Variants in MBNL2 observed in about 807,000 individuals in gnomAD.
The protein encoded by MBNL2 is muscleblind like splicing regulator 2, also known as muscleblind-like protein 2.
Under a neutral mutation model 41.9 loss-of-function variants are expected in MBNL2, and 17 were observed. That is an observed-to-expected ratio of 0.41 (90% CI 0.28 to 0.61). The LOEUF is 0.61. MBNL2 is among the 20% of genes least tolerant of loss of function. MBNL2 has a pLI of 0.35. For synonymous variants in MBNL2, 195 were observed against 182.9 expected (o/e 1.07, Z -0.53); for missense variants, 336 against 505.6 (o/e 0.66, Z 3.22).
chr13:97,218,453 C>A (rs1438697845), upstream of MBNL2, among the ~76,000 whole-genome samples: 16 of 73,116 alleles, frequency 2.2e-4, no homozygotes, highest in Admixed American at 2.4e-4. Flanking sequence ...AAAAAAAAAA[C>A]TGGGCCTAGA....
intron 2 of MBNL2, among the ~76,000 whole-genome samples, chr13:97,320,279 A>G (rs2059393015): frequency 7.6e-6 from 1 of 130,778 alleles, no homozygotes; most frequent in Non-Finnish European, 1.6e-5. Flanking sequence ...TTTTTTTTTG[A>G]GACAGTCTCT....
intron 2 of MBNL2, among the ~76,000 whole-genome samples, chr13:97,294,346 A>G (rs2056686655): frequency 6.6e-6 from 1 of 152,234 alleles, no homozygotes. Context: ...TTATAAACTA[A>G]CTAGGAGACA....
chr13:97,283,507 T>G (rs1201800043), intron 2 of MBNL2, among the ~76,000 whole-genome samples: 1 of 152,224 alleles, frequency 6.6e-6, no homozygotes, highest in Non-Finnish European at 1.5e-5. Context: ...TCCTTTCTTT[T>G]TTGTTGTTGT....
chr13:97,232,205 C>G (rs2042482659), intron 1 of MBNL2, among the ~76,000 whole-genome samples: 1 of 152,192 alleles, frequency 6.6e-6, no homozygotes, highest in African/African-American at 2.4e-5. Context: ...GTGCCCCTGT[C>G]TGTCCTCCCT....
chr13:97,185,966 C>T, the MBNL2 span, among the ~76,000 whole-genome samples: 8 of 152,204 alleles, frequency 5.3e-5, no homozygotes, highest in African/African-American at 1.9e-4. Flanking sequence ...CTTCATTTTG[C>T]TACTTATGGC....
At chr13:97,357,674 G>A (rs773348932) in intron 7 of MBNL2, 39 bp downstream of exon 7, 1 of 1,599,994 alleles carries the variant, frequency 6.3e-7, no homozygotes, top group Non-Finnish European at 8.6e-7. Flanking sequence ...TGCCCTTCTG[G>A]TCATGTGCTT....
chr13:97,185,339 G>A, the MBNL2 span, among the ~76,000 whole-genome samples: 1 of 152,168 alleles, frequency 6.6e-6, no homozygotes, highest in Non-Finnish European at 1.5e-5. Context: ...TGAGAATCAG[G>A]TTTTTCCAGA....
chr13:97,211,204 T>A, the MBNL2 span, among the ~76,000 whole-genome samples: 1 of 151,890 alleles, frequency 6.6e-6, no homozygotes, highest in Non-Finnish European at 1.5e-5. Flanking sequence ...GATGAAAGAT[T>A]TCTTCTAGCC....
chr13:97,172,764 C>T, the MBNL2 span: 1 of 152,142 alleles, frequency 6.6e-6, no homozygotes, highest in African/African-American at 2.4e-5. Context: ...GAACATGAGG[C>T]CTCCAAATGA....
At chr13:97,146,432 G>T in the MBNL2 span, among the ~76,000 whole-genome samples, 1 of 152,156 alleles carries the variant, frequency 6.6e-6, no homozygotes, top group African/African-American at 2.4e-5. Context: ...ATGAAATGAG[G>T]TTTGTAGCTT....
intron 2 of MBNL2, among the ~76,000 whole-genome samples, chr13:97,278,250 TCAAA>T (rs1426532331): frequency 2.8e-5 from 1 of 35,408 alleles, no homozygotes; most frequent in African/African-American, 1.9e-4. Flanking sequence ...TGAGACTGTC[TCAAA>T]AAAAAAAAAA....
chr13:97,243,291 T>G (rs575099130), intron 1 of MBNL2, among the ~76,000 whole-genome samples: 45 of 152,232 alleles, frequency 3.0e-4, no homozygotes, highest in Non-Finnish European at 5.9e-4. Flanking sequence ...GGCTTATTTA[T>G]TTAGTCAGTC....
chr13:97,183,256 C>T, the MBNL2 span, among the ~76,000 whole-genome samples: 1 of 152,188 alleles, frequency 6.6e-6, no homozygotes, highest in Admixed American at 6.5e-5. Context: ...ACAATTTAGT[C>T]CTTGTATTAT....
intron 2 of MBNL2, among the ~76,000 whole-genome samples, chr13:97,292,140 G>A (rs1041386582): frequency 1.4e-5 from 2 of 142,422 alleles, no homozygotes; most frequent in Non-Finnish European, 3.0e-5. Context: ...CGCGGAGCTT[G>A]AAGTGAGCCG....
chr13:97,253,698 T>C (rs1310230369), intron 1 of MBNL2, among the ~76,000 whole-genome samples: 1 of 152,154 alleles, frequency 6.6e-6, no homozygotes, highest in Non-Finnish European at 1.5e-5. Context: ...GTTAATTCTC[T>C]TTGTAAAATA....
At position 97,278,144 on chromosome 13, in the gene MBNL2, C is replaced by T. The variant is rs189779427; in HGVS notation, c.174+1735C>T. Among the ~76,000 whole-genome samples, 994 of 148,520 alleles carry T rather than the reference C, an allele frequency of 6.7e-3. 6 individuals carry two copies. The highest frequency in any genetic ancestry group is 9.4e-3 in the Non-Finnish European group (634 of 67,590). ...GTGGTGCATGCCTGTAATCCAGCTA[C>T]TTGAGAGGCTGAGGCAGGAGAATCA... On this transcript the variant is annotated intron_variant, in intron 2 of 8. Transcript: ENST00000679496.
intron 5 of MBNL2, among the ~76,000 whole-genome samples, chr13:97,354,537 G>A (rs115315548): frequency 0.011 from 1,606 of 152,138 alleles, 22 homozygotes; most frequent in African/African-American, 0.034. Flanking sequence ...AGAGATACAC[G>A]TCACTGTCCT....
intron 8 of MBNL2, among the ~76,000 whole-genome samples, chr13:97,379,770 G>A (rs1033246420): frequency 2.0e-5 from 3 of 152,118 alleles, no homozygotes; most frequent in Non-Finnish European, 4.4e-5. Flanking sequence ...ATTCTCTAAC[G>A]GGGGCAGGTT....
intron 1 of MBNL2, among the ~76,000 whole-genome samples, chr13:97,245,710 A>G (rs748305304): frequency 5.9e-5 from 9 of 152,234 alleles, no homozygotes; most frequent in Non-Finnish European, 1.2e-4. Context: ...TTTAGGCAGG[A>G]GGAAGGGCTG....
Sources: allele counts gnomAD v4.1 joint callset (sites outside exome capture counted in the v4.1 genomes callset), GRCh38; gene constraint gnomAD v4.1.1; transcripts MANE v1.5; gene names NCBI Gene and HGNC (gene_info 2026-07-23, HGNC 2026-07-21).